Variants in FSIP1 observed in about 807,000 individuals in gnomAD.
FSIP1 encodes fibrous sheath-interacting protein 1.
Under a neutral mutation model 60.9 loss-of-function variants are expected in FSIP1, and 65 were observed. The ratio of observed to expected loss-of-function variants is 1.07; its 90% confidence interval spans 0.87 to 1.31. FSIP1 has a LOEUF of 1.31. Ranked by LOEUF, FSIP1 falls within the 40% of genes most tolerant of loss-of-function variation. FSIP1 has a pLI of 0.00. For synonymous variants in FSIP1, 209 were observed against 221.2 expected (o/e 0.94, Z 0.49); for missense variants, 675 against 665.5 (o/e 1.01, Z -0.16).
chr15:39,600,925 A>G lies in FSIP1; in HGVS notation c.1701T>C (p.Asp567=). The change falls in exon 12 of 12, where the codon GAT becomes GAC. Residue 567 remains aspartate (D), a splice_region_variant and synonymous_variant. Coordinates refer to ENST00000350221, the MANE Select transcript of FSIP1 (RefSeq NM_152597.5). ...CTGCTGCATCTTTAGTCTCCTGCTC[A>G]TCTGCACATAAAAACAATAACCACA... is the stretch of plus-strand genomic sequence containing the variant. ...KLSSPENTIA[D]EQETKDAAEE... The G allele has an allele frequency of 6.2e-7, 1 of 1,609,326 alleles. No homozygotes were observed. Among genetic ancestry groups the G allele is most frequent in the Admixed American group, 1.7e-5 (1 of 58,992 alleles).
chr15:39,676,324 C>T (rs1392171176), intron 10 of FSIP1, among the ~76,000 whole-genome samples: 2 of 152,142 alleles, frequency 1.3e-5, no homozygotes, highest in African/African-American at 4.8e-5. Context: ...TGCCACAATA[C>T]AGTGTCCATC....
intron 9 of FSIP1, among the ~76,000 whole-genome samples, chr15:39,725,346 C>T (rs998745847): frequency 1.3e-5 from 2 of 152,222 alleles, no homozygotes; most frequent in Non-Finnish European, 2.9e-5. Flanking sequence ...ATAGTGAGAA[C>T]AACAGCACCA....
intron 2 of FSIP1, 147 bp downstream of exon 2, chr15:39,776,252 A>T: frequency 1.6e-6 from 1 of 622,906 alleles, no homozygotes; most frequent in Non-Finnish European, 2.7e-6. Context: ...ATATTAATCT[A>T]GATTAAAATC....
chr15:39,681,448 G>A (rs1443676107), intron 10 of FSIP1, among the ~76,000 whole-genome samples: 1 of 151,916 alleles, frequency 6.6e-6, no homozygotes, highest in Non-Finnish European at 1.5e-5. Context: ...GTCATAATGG[G>A]TATCAGAAAT....
intron 10 of FSIP1, among the ~76,000 whole-genome samples, chr15:39,710,312 G>A (rs554442908): frequency 1.3e-5 from 2 of 151,786 alleles, no homozygotes; most frequent in East Asian, 1.9e-4. Context: ...GCAAACCCCC[G>A]TCTCTCCTAA....
intron 9 of FSIP1, among the ~76,000 whole-genome samples, chr15:39,719,839 AACT>A (rs562302821): frequency 1.8e-4 from 28 of 152,312 alleles, no homozygotes; most frequent in African/African-American, 6.7e-4. Flanking sequence ...AAGAAATATA[AACT>A]TCACAGTAAT....
chr15:39,605,313 T>C (rs1890783614), intron 11 of FSIP1, among the ~76,000 whole-genome samples: 1 of 152,220 alleles, frequency 6.6e-6, no homozygotes, highest in Non-Finnish European at 1.5e-5. Flanking sequence ...GGATAGGTCC[T>C]TGGACACAGC....
intron 10 of FSIP1, among the ~76,000 whole-genome samples, chr15:39,688,263 T>C (rs111877281): frequency 0.058 from 8,888 of 152,244 alleles, 695 homozygotes; most frequent in Admixed American, 0.2. Context: ...ATAAACCCAT[T>C]GTAAGTTGAA....
At chr15:39,707,462 C>T (rs1179941992) in intron 10 of FSIP1, among the ~76,000 whole-genome samples, 1 of 152,076 alleles carries the variant, frequency 6.6e-6, no homozygotes. Flanking sequence ...CCTTTCTTGG[C>T]CCACCCTTCC....
chr15:39,749,263 C>CAAAAAA (rs3065148), intron 5 of FSIP1, among the ~76,000 whole-genome samples: 16 of 98,320 alleles, frequency 1.6e-4, no homozygotes, highest in Admixed American at 1.5e-3. Context: ...TAAACTCTTC[C>CAAAAAA]AAAAAAAAAA....
chr15:39,624,686 C>T (rs979433362), intron 10 of FSIP1, among the ~76,000 whole-genome samples: 2 of 152,280 alleles, frequency 1.3e-5, no homozygotes, highest in East Asian at 1.9e-4. Flanking sequence ...TGAGGCTACC[C>T]CAATCATATA....
chr15:39,597,855 T>C (rs1038284968), downstream of FSIP1: 3 of 152,224 alleles, frequency 2.0e-5, no homozygotes, highest in African/African-American at 7.2e-5. Context: ...CGACATTTTC[T>C]GACCCACGAA....
intron 1 of FSIP1, among the ~76,000 whole-genome samples, chr15:39,778,322 C>T (rs540040824): frequency 2.3e-4 from 35 of 152,314 alleles, no homozygotes; most frequent in African/African-American, 8.4e-4. Flanking sequence ...AAGGCACAGG[C>T]ACAGGCAACC....
intron 1 of FSIP1, among the ~76,000 whole-genome samples, chr15:39,781,616 T>C (rs1283637055): frequency 1.3e-5 from 2 of 152,192 alleles, no homozygotes; most frequent in Admixed American, 6.5e-5. Flanking sequence ...CGTAGATCCA[T>C]ACAATGGACT....
intron 5 of FSIP1, 26 bp downstream of exon 5, chr15:39,763,795 G>C: frequency 8.6e-7 from 1 of 1,167,656 alleles, no homozygotes; most frequent in Non-Finnish European, 1.3e-6. Flanking sequence ...TAAAAACAAA[G>C]TTGAATGACA....
chr15:39,705,131 A>AT (rs1895210041), intron 10 of FSIP1, among the ~76,000 whole-genome samples: 1 of 152,234 alleles, frequency 6.6e-6, no homozygotes, highest in South Asian at 2.1e-4. Flanking sequence ...TTTCCTAACA[A>AT]TACTAATAAA....
chr15:39,680,476 C>T (rs4429263), intron 10 of FSIP1, among the ~76,000 whole-genome samples: 94,934 of 152,044 alleles, frequency 0.62, 30,299 homozygotes, highest in Non-Finnish European at 0.71. Flanking sequence ...TGTATGGTCA[C>T]ATGACTAAGA....
intron 2 of FSIP1, among the ~76,000 whole-genome samples, chr15:39,774,882 T>C (rs1408828680): frequency 6.6e-6 from 1 of 152,214 alleles, no homozygotes; most frequent in African/African-American, 2.4e-5. Flanking sequence ...TTCTGATCTC[T>C]GGATTACAGC....
chr15:39,648,168 T>TAAAAAAAAAA (rs59445778), intron 10 of FSIP1, among the ~76,000 whole-genome samples: 1 of 74,858 alleles, frequency 1.3e-5, no homozygotes, highest in Non-Finnish European at 3.6e-5. Context: ...TAAAGTATAA[T>TAAAAAAAAAA]AAAAAAAAAA....
Sources: gnomAD v4.1 joint callset for allele counts (sites outside exome capture counted in the v4.1 genomes callset) on GRCh38, gnomAD v4.1.1 for gene constraint, MANE v1.5 for transcripts, NCBI Gene and HGNC (gene_info 2026-07-23, HGNC 2026-07-21) for gene names.